NWD2: variants seen among roughly 807,000 people sequenced by gnomAD.
The protein encoded by NWD2 is NACHT and WD repeat domain containing 2.
NWD2 carries 37 observed loss-of-function variants against 132.7 expected under a neutral mutation model. The ratio of observed to expected loss-of-function variants is 0.28; its 90% confidence interval spans 0.21 to 0.37. The LOEUF is 0.37. NWD2 is among the 10% of genes least tolerant of loss of function. The pLI is 1.00. For synonymous variants in NWD2, 705 were observed against 803.0 expected (o/e 0.88, Z 2.06); for missense variants, 1,592 against 2,122.4 (o/e 0.75, Z 4.91).
intron 3 of NWD2, among the ~76,000 whole-genome samples, chr4:37,366,629 G>A (rs6819271): frequency 0.77 from 116,960 of 151,926 alleles, 45,830 homozygotes; most frequent in Admixed American, 0.85. Context: ...GGCATAAATC[G>A]GCTGAGAGTA....
rs576719004 is a variant in NWD2 at position 37,397,029 on chromosome 4, G to A, written c.358-33543G>A. On this transcript the variant is annotated intron_variant, in intron 3 of 6. Transcript: ENST00000309447. ...GCCTGGGTGACAAGAGTGAAACTCTGTTGCAAAAAAAAAAAGCGAAGCAAC... is the reference window on the plus strand; with the variant it reads ...GCCTGGGTGACAAGAGTGAAACTCTATTGCAAAAAAAAAAAGCGAAGCAAC... Among the ~76,000 whole-genome samples, 301 of 48,564 alleles carry A rather than the reference G, an allele frequency of 6.2e-3. 1 individual carries two copies. Among genetic ancestry groups the A allele is most frequent in the Non-Finnish European group, 0.014 (231 of 16,630 alleles). The allele number at this position is 48,564 out of a possible 152,430, so 31.9% of individuals were successfully genotyped here. A position where few individuals can be genotyped will look rare whatever the true frequency, so the allele number is the denominator to read the frequency against.
chr4:37,331,773 GC>G (rs1719298078), intron 2 of NWD2, among the ~76,000 whole-genome samples: 1 of 152,190 alleles, frequency 6.6e-6, no homozygotes, highest in South Asian at 2.1e-4. Flanking sequence ...ACTGGAAAAG[GC>G]ACTGAAGAGG....
At chr4:37,307,946 A>G (rs1718744903) in intron 1 of NWD2, among the ~76,000 whole-genome samples, 2 of 151,782 alleles carry the variant, frequency 1.3e-5, no homozygotes, top group South Asian at 2.1e-4. Context: ...TTAGTTTCCA[A>G]TTTGGTCCTT....
intron 3 of NWD2, among the ~76,000 whole-genome samples, chr4:37,372,673 T>G (rs996224948): frequency 6.6e-5 from 10 of 152,234 alleles, no homozygotes; most frequent in African/African-American, 2.4e-4. Context: ...CATTCTTGAC[T>G]TCCATCCTTC....
intron 2 of NWD2, among the ~76,000 whole-genome samples, chr4:37,337,810 G>A (rs1208554054): frequency 6.6e-6 from 1 of 150,384 alleles, no homozygotes; most frequent in Non-Finnish European, 1.5e-5. Context: ...TTTTTTTTTT[G>A]AATGTTAATA....
rs561833136 is a variant in NWD2 at position 37,365,825 on chromosome 4, G to A, written c.357+9343G>A. On this transcript the variant is annotated intron_variant, in intron 3 of 6. Coordinates refer to ENST00000309447, the MANE Select transcript of NWD2 (RefSeq NM_001144990.2). ...GCTTAAGCTTAGTTGGTGTAAGAAA[G>A]CATTTTTTTATGATAAAAAGAATTA... Among the ~76,000 whole-genome samples, 10 of 152,270 alleles carry A rather than the reference G, an allele frequency of 6.6e-5. No individual in the cohort carries two copies. The East Asian group carries it at 1.5e-3, about 23-fold the overall frequency.
intron 1 of NWD2, among the ~76,000 whole-genome samples, chr4:37,282,770 A>G (rs922388623): frequency 3.3e-5 from 5 of 152,186 alleles, no homozygotes; most frequent in South Asian, 2.1e-4. Context: ...TGGAGAATTT[A>G]TTTAACCTCT....
intron 1 of NWD2, among the ~76,000 whole-genome samples, chr4:37,297,176 G>C (rs564024046): frequency 1.4e-4 from 22 of 151,928 alleles, no homozygotes; most frequent in Middle Eastern, 3.4e-3. Context: ...ATCCCTCACA[G>C]ACACCAAAAT....
intron 5 of NWD2, among the ~76,000 whole-genome samples, chr4:37,434,382 A>G (rs184806516): frequency 2.6e-5 from 4 of 152,336 alleles, no homozygotes; most frequent in African/African-American, 4.8e-5. Context: ...TGGGGAGACA[A>G]CACTGAGTAA....
intron 1 of NWD2, among the ~76,000 whole-genome samples, chr4:37,273,953 C>G (rs1425233670): frequency 6.6e-6 from 1 of 151,896 alleles, no homozygotes; most frequent in African/African-American, 2.4e-5. Context: ...AAATTTATAG[C>G]ACTAAATGCC....
chr4:37,402,463 T>C (rs1044221445), intron 3 of NWD2, among the ~76,000 whole-genome samples: 1 of 152,192 alleles, frequency 6.6e-6, no homozygotes, highest in Non-Finnish European at 1.5e-5. Context: ...TGAATTACAT[T>C]GTGTACTGTT....
At chr4:37,369,642 T>C (rs957850012) in intron 3 of NWD2, among the ~76,000 whole-genome samples, 2 of 152,174 alleles carry the variant, frequency 1.3e-5, no homozygotes, top group African/African-American at 4.8e-5. Flanking sequence ...TGGTTTTCAC[T>C]CTCCTCCTTT....
chr4:37,348,675 T>TATATATACACACAC (rs1308407988), intron 2 of NWD2, among the ~76,000 whole-genome samples: 18 of 22,568 alleles, frequency 8.0e-4, no homozygotes, highest in Non-Finnish European at 7.6e-4. Flanking sequence ...TATATATATA[T>TATATATACACACAC]ACACACACAC....
At position 37,449,304 on chromosome 4, in the gene NWD2, C is replaced by T. The variant is rs963807355; in HGVS notation, c.*2087C>T. 1.3e-5 allele frequency: 2 copies of T among 152,126 alleles called. No homozygotes were observed. Among genetic ancestry groups the T allele is most frequent in the African/African-American group, 2.4e-5 (1 of 41,434 alleles). 9.4% of individuals were successfully genotyped at this position (152,126 alleles called of 1,614,324 possible). ...GAATGTTTTTATGTAAACTTTGTATCGTTGGGAAGAATTACCCAATCAGAG... is the reference window on the plus strand; with the variant it reads ...GAATGTTTTTATGTAAACTTTGTATTGTTGGGAAGAATTACCCAATCAGAG... On this transcript the variant is annotated 3_prime_UTR_variant, in exon 7 of 7. Coordinates refer to ENST00000309447, the MANE Select transcript of NWD2 (RefSeq NM_001144990.2).
Position 37,439,820 on chromosome 4 carries a change from C to T in NWD2, c.1296+430C>T, listed in dbSNP as rs2109329564. 3.3e-5 allele frequency among the ~76,000 whole-genome samples: 5 copies of T among 152,352 alleles called. 1 individual carries two copies. Among genetic ancestry groups the T allele is most frequent in the Admixed American group, 3.3e-4 (5 of 15,308 alleles). ...ATCAGTCTACACCTTTCTTCCCCAT[C>T]TGGGGCCTCTCATAAACAAGGCACC... On this transcript the variant is annotated intron_variant, in intron 6 of 6. Coordinates refer to ENST00000309447, the MANE Select transcript of NWD2 (RefSeq NM_001144990.2). This position sits in a 1 kb window ranked among gnomAD's most constrained non-coding sequence, Gnocchi z 4.5.
chr4:37,355,974 C>G (rs1215260428), intron 2 of NWD2, among the ~76,000 whole-genome samples: 1 of 151,748 alleles, frequency 6.6e-6, no homozygotes, highest in Non-Finnish European at 1.5e-5. Flanking sequence ...GGTTTCTTTT[C>G]TCAAATTAAT....
intron 1 of NWD2, among the ~76,000 whole-genome samples, chr4:37,275,518 T>C (rs1260723637): frequency 6.6e-6 from 1 of 152,098 alleles, no homozygotes; most frequent in Non-Finnish European, 1.5e-5. Flanking sequence ...AATTTATAGA[T>C]TCAATGCCAT....
intron 3 of NWD2, among the ~76,000 whole-genome samples, chr4:37,374,902 T>A (rs1202197455): frequency 6.6e-6 from 1 of 152,262 alleles, no homozygotes; most frequent in Non-Finnish European, 1.5e-5. Flanking sequence ...GTTTCTCAAC[T>A]GAATGATATG....
At chr4:37,434,825 G>T (rs140774167) in intron 5 of NWD2, among the ~76,000 whole-genome samples, 1 of 151,232 alleles carries the variant, frequency 6.6e-6, no homozygotes, top group East Asian at 1.9e-4. Context: ...GGAGAGATGA[G>T]GATAGAAGTT....
Sources: allele counts gnomAD v4.1 joint callset (sites outside exome capture counted in the v4.1 genomes callset), GRCh38; gene constraint gnomAD v4.1.1; non-coding constraint Gnocchi (gnomAD v3.1); transcripts MANE v1.5; gene names NCBI Gene and HGNC (gene_info 2026-07-23, HGNC 2026-07-21).